Variants in NXN observed in about 807,000 individuals in gnomAD.
NXN encodes nucleoredoxin 1.
In NXN, 16 loss-of-function variants were observed where a neutral mutation model predicts 48.6. The ratio of observed to expected loss-of-function variants is 0.33; its 90% CI spans 0.22 to 0.50. NXN has a LOEUF of 0.50. Among genes scored for constraint, NXN ranks in the 20% least tolerant of loss-of-function variants. NXN has a pLI of 0.98. For synonymous variants in NXN, 281 were observed against 269.6 expected, an observed-to-expected ratio of 1.04 and a Z score of -0.41; for missense variants, 492 against 605.5, an observed-to-expected ratio of 0.81 and a Z score of 1.97.
chr17:822,495 G>T, intron 3 of NXN, 38 bp from the exon 4 acceptor site: 1 of 1,482,820 alleles, frequency 6.7e-7, no homozygotes. Context: ...GCGTCACGCT[G>T]CTTCTCCACC....
At chr17:979,036 T>C (rs1481111440) in intron 1 of NXN, among the ~76,000 whole-genome samples, 4 of 145,106 alleles carry the variant, frequency 2.8e-5, no homozygotes, top group Non-Finnish European at 6.1e-5. Context: ...GGGTCCAACT[T>C]TCCAGGGCGG....
At chr17:881,534 C>A (rs1420833514) in intron 1 of NXN, among the ~76,000 whole-genome samples, 1 of 152,156 alleles carries the variant, frequency 6.6e-6, no homozygotes, top group Non-Finnish European at 1.5e-5. Flanking sequence ...GTCAGTACAA[C>A]CACTTTGAAG....
intron 1 of NXN, among the ~76,000 whole-genome samples, chr17:863,689 C>T (rs2068064858): frequency 1.3e-5 from 2 of 152,036 alleles, no homozygotes; most frequent in East Asian, 3.9e-4. Context: ...TCTTGAACTC[C>T]TGGGCTGATG....
At chr17:839,826 G>A (rs1005248570) in intron 1 of NXN, among the ~76,000 whole-genome samples, 8 of 94,856 alleles carry the variant, frequency 8.4e-5, no homozygotes, top group Non-Finnish European at 1.3e-4. Flanking sequence ...GCCAGGCACG[G>A]TGGCTCACAC....
chr17:812,148 C>T (rs11247560), intron 5 of NXN, among the ~76,000 whole-genome samples: 66,088 of 149,698 alleles, frequency 0.44, 15,003 homozygotes, highest in African/African-American at 0.54. Context: ...AGGACGGTCT[C>T]GATCTCCTGA....
At chr17:820,333 C>T (rs1287807320) in intron 4 of NXN, among the ~76,000 whole-genome samples, 2 of 152,176 alleles carry the variant, frequency 1.3e-5, no homozygotes, top group African/African-American at 4.8e-5. Flanking sequence ...GGACTGTGGC[C>T]AGGCGTGGTG....
intron 1 of NXN, among the ~76,000 whole-genome samples, chr17:935,085 A>G (rs2068894708): frequency 1.3e-5 from 2 of 151,398 alleles, no homozygotes; most frequent in African/African-American, 2.4e-5. Context: ...TCCACTACCC[A>G]GGTTCAAGTG....
rs1597291308 is a variant in NXN at position 973,504 on chromosome 17, C to G, written c.360+5815G>C. 2.0e-5 allele frequency among the ~76,000 whole-genome samples: 3 copies of G among 152,272 alleles called. 1 individual carries two copies. In the South Asian group the frequency reaches 6.2e-4, roughly 32 times the overall value. On this transcript the variant is annotated intron_variant, in intron 1 of 7. Coordinates refer to ENST00000336868, the MANE Select transcript of NXN (RefSeq NM_022463.5). Reference sequence around the variant, plus strand: ...GACTGAAAGGGTAACTTAATAGTAACTTAAATCTTTCCCAGGCTTCGTCGA... The same window carrying G: ...GACTGAAAGGGTAACTTAATAGTAAGTTAAATCTTTCCCAGGCTTCGTCGA...
At chr17:959,376 G>A in intron 1 of NXN, 1 of 233,860 alleles carries the variant, frequency 4.3e-6, no homozygotes, top group Non-Finnish European at 8.3e-6. Context: ...GAGGCTGCCT[G>A]CCCCGGCCAG....
chr17:908,266 G>A (rs186131739), intron 1 of NXN, among the ~76,000 whole-genome samples: 52 of 152,222 alleles, frequency 3.4e-4, no homozygotes, highest in African/African-American at 1.2e-3. Flanking sequence ...AGCCGGGCAC[G>A]GTCGTTCACG....
intron 1 of NXN, among the ~76,000 whole-genome samples, chr17:935,493 G>T (rs570824671): frequency 5.9e-5 from 9 of 152,296 alleles, no homozygotes; most frequent in African/African-American, 2.2e-4. Flanking sequence ...GGTCTGGCAA[G>T]GTTGTAGGAA....
At chr17:865,579 C>T (rs979033465) in intron 1 of NXN, among the ~76,000 whole-genome samples, 2 of 152,096 alleles carry the variant, frequency 1.3e-5, no homozygotes, top group African/African-American at 4.8e-5. Context: ...ACAGTCTCTC[C>T]CCTCCAAGAA....
chr17:960,885 A>C (rs918999670), intron 1 of NXN, among the ~76,000 whole-genome samples: 5 of 150,494 alleles, frequency 3.3e-5, no homozygotes, highest in Non-Finnish European at 7.4e-5. Context: ...TCCCAGGTTC[A>C]AGTGATTCTC....
intron 1 of NXN, among the ~76,000 whole-genome samples, chr17:973,356 C>T (rs968717568): frequency 6.6e-6 from 1 of 152,182 alleles, no homozygotes; most frequent in Non-Finnish European, 1.5e-5. Flanking sequence ...TCTACACCGC[C>T]CAGAGTTAAG....
At chr17:876,246 A>G (rs1014961062) in intron 1 of NXN, among the ~76,000 whole-genome samples, 1 of 151,068 alleles carries the variant, frequency 6.6e-6, no homozygotes, top group African/African-American at 2.4e-5. Context: ...GGAGAAGAGA[A>G]GAGAAGAAAA....
chr17:843,577 C>T (rs183941232), intron 1 of NXN, among the ~76,000 whole-genome samples: 62 of 152,344 alleles, frequency 4.1e-4, no homozygotes, highest in Non-Finnish European at 7.3e-4. Flanking sequence ...CAGGAGAGAT[C>T]TTAAGAAGCG....
chr17:867,399 G>A (rs2068105268), intron 1 of NXN, among the ~76,000 whole-genome samples: 1 of 151,950 alleles, frequency 6.6e-6, no homozygotes, highest in Non-Finnish European at 1.5e-5. Context: ...GCAAGTTCTC[G>A]GGGTTCTCCA....
intron 1 of NXN, among the ~76,000 whole-genome samples, chr17:854,048 T>C (rs977759755): frequency 1.3e-5 from 2 of 152,050 alleles, no homozygotes. Flanking sequence ...GTGTGACTTG[T>C]TGAATCATGT....
chr17:836,963 C>CTATTATTATTATTATTATTAT (rs5818770), intron 1 of NXN, among the ~76,000 whole-genome samples: 48 of 144,920 alleles, frequency 3.3e-4, no homozygotes, highest in East Asian at 1.6e-3. Flanking sequence ...AGCTTAGTTG[C>CTATTATTATTATTATTATTAT]TATTATTATT....
Sources: allele counts gnomAD v4.1 joint callset (sites outside exome capture counted in the v4.1 genomes callset), GRCh38; gene constraint gnomAD v4.1.1; transcripts MANE v1.5; gene names NCBI Gene and HGNC (gene_info 2026-07-23, HGNC 2026-07-21).